GRID2: variants seen among roughly 807,000 people sequenced by gnomAD.
GRID2 encodes the protein glutamate receptor ionotropic, delta-2.
In GRID2, 33 loss-of-function variants were observed where a neutral mutation model predicts 114.8. That is an observed-to-expected ratio of 0.29 (90% CI 0.22 to 0.38). The LOEUF (loss-of-function observed/expected upper bound fraction) is 0.38, where lower values mean the gene tolerates loss of function less well. GRID2 is among the 10% of genes least tolerant of loss of function. The probability of loss-of-function intolerance (pLI) is 1.00; values close to 1 mark genes in which losing one functional copy is unlikely to be tolerated. For synonymous variants in GRID2, 505 were observed against 449.9 expected (o/e 1.12, Z -1.55); for missense variants, 1,184 against 1,257.7 (o/e 0.94, Z 0.89).
At chr4:93,565,525 G>GA (rs1372751268) in intron 13 of GRID2, among the ~76,000 whole-genome samples, 5 of 151,908 alleles carry the variant, frequency 3.3e-5, no homozygotes, top group African/African-American at 1.2e-4. Context: ...TCTGTTGCAC[G>GA]AAAAAACCTA....
At chr4:93,594,904 G>C (rs955272242) in intron 13 of GRID2, among the ~76,000 whole-genome samples, 4 of 152,212 alleles carry the variant, frequency 2.6e-5, no homozygotes, top group African/African-American at 9.6e-5. Flanking sequence ...GCCTCGCCCT[G>C]CTTCGGCTCA....
intron 2 of GRID2, among the ~76,000 whole-genome samples, chr4:92,792,826 T>G (rs1234334778): frequency 6.6e-6 from 1 of 151,670 alleles, no homozygotes; most frequent in East Asian, 2.0e-4. Flanking sequence ...AATGCCAGTC[T>G]ACGATCTGTA....
chr4:92,576,997 T>A (rs944264285), intron 1 of GRID2, among the ~76,000 whole-genome samples: 2 of 152,224 alleles, frequency 1.3e-5, no homozygotes, highest in South Asian at 2.1e-4. Context: ...AGTTCAGACA[T>A]CTTTCTCTTA....
rs148025680 is a variant in GRID2, at chr4:92,610,757, C to T, written c.244+20471C>T. On this transcript the variant is annotated intron_variant, in intron 2 of 15. Coordinates refer to ENST00000282020, the MANE Select transcript of GRID2 (RefSeq NM_001510.4). ...TTCCATACTACCTTCAAGCCAACCA[C>T]GAATTGTTTCTATAGATTAGCCTCT... Among the ~76,000 whole-genome samples the T allele has an allele frequency of 5.6e-3, 843 of 151,704 alleles. 8 individuals are homozygous for T. The highest frequency in any genetic ancestry group is 0.019 in the African/African-American group (791 of 41,472).
chr4:93,105,737 T>C (rs1162227551), intron 3 of GRID2, among the ~76,000 whole-genome samples: 1 of 152,170 alleles, frequency 6.6e-6, no homozygotes, highest in Non-Finnish European at 1.5e-5. Context: ...AGATGCTGAG[T>C]CTCAACACAT....
intron 1 of GRID2, among the ~76,000 whole-genome samples, chr4:92,578,834 T>C (rs922550802): frequency 8.5e-5 from 13 of 152,174 alleles, no homozygotes; most frequent in Non-Finnish European, 1.6e-4. Flanking sequence ...CTCTTAATAA[T>C]GTAGTACCAG....
chr4:93,091,872 G>A (rs1730822646), intron 3 of GRID2, among the ~76,000 whole-genome samples: 1 of 152,086 alleles, frequency 6.6e-6, no homozygotes, highest in South Asian at 2.1e-4. Flanking sequence ...AGGCAAGGCT[G>A]CCACACAGGC....
At chr4:92,830,988 G>T (rs1742063314) in intron 2 of GRID2, among the ~76,000 whole-genome samples, 1 of 152,130 alleles carries the variant, frequency 6.6e-6, no homozygotes, top group Non-Finnish European at 1.5e-5. Context: ...ATCTTCTAGT[G>T]CCACTGAAAG....
At chr4:92,916,466 C>T (rs1442386702) in intron 2 of GRID2, among the ~76,000 whole-genome samples, 4 of 152,036 alleles carry the variant, frequency 2.6e-5, no homozygotes, top group Admixed American at 1.3e-4. Flanking sequence ...CCCATTAACT[C>T]GTCATTTAAC....
chr4:93,673,625 A>T (rs949472143), intron 14 of GRID2, among the ~76,000 whole-genome samples: 1 of 152,202 alleles, frequency 6.6e-6, no homozygotes, highest in Non-Finnish European at 1.5e-5. Context: ...ATTCTAATGA[A>T]TGTAGACAGA....
At chr4:93,306,588 C>G (rs769146528) in intron 8 of GRID2, among the ~76,000 whole-genome samples, 3 of 152,090 alleles carry the variant, frequency 2.0e-5, no homozygotes, top group Non-Finnish European at 4.4e-5. Context: ...ATAGGAATAC[C>G]TTCAGCAGAC....
At chr4:93,386,983 T>C (rs1432076831) in intron 8 of GRID2, among the ~76,000 whole-genome samples, 1 of 152,158 alleles carries the variant, frequency 6.6e-6, no homozygotes, top group East Asian at 1.9e-4. Flanking sequence ...CGTCAGACAC[T>C]GCAGCACATT....
intron 13 of GRID2, among the ~76,000 whole-genome samples, chr4:93,599,185 G>T (rs1017713901): frequency 1.3e-5 from 2 of 152,192 alleles, no homozygotes; most frequent in African/African-American, 4.8e-5. Flanking sequence ...GTTGTTGGAT[G>T]GACTTGAATG....
intron 2 of GRID2, among the ~76,000 whole-genome samples, chr4:92,777,000 A>C (rs1341409880): frequency 6.6e-6 from 1 of 152,024 alleles, no homozygotes; most frequent in Non-Finnish European, 1.5e-5. Context: ...CAATGCATGA[A>C]AGTTTGGCTC....
At chr4:92,460,032 C>CTATATATATATATACATATATATATATA (rs1553937272) in intron 1 of GRID2, among the ~76,000 whole-genome samples, 6 of 48,424 alleles carry the variant, frequency 1.2e-4, no homozygotes, top group African/African-American at 6.1e-4. Flanking sequence ...ATAAATCTCA[C>CTATATATATATATACATATATATATATA]TATATATATA....
At chr4:92,729,877 G>T (rs1350600484) in intron 2 of GRID2, among the ~76,000 whole-genome samples, 2 of 151,834 alleles carry the variant, frequency 1.3e-5, no homozygotes, top group African/African-American at 2.4e-5. Flanking sequence ...GGTTTCCCAT[G>T]TACTAAAACC....
At chr4:93,685,065 GT>G (rs934623227) in intron 14 of GRID2, among the ~76,000 whole-genome samples, 26 of 152,048 alleles carry the variant, frequency 1.7e-4, no homozygotes, top group African/African-American at 6.3e-4. Flanking sequence ...ACAAATAACA[GT>G]TTATGGCTTG....
intron 1 of GRID2, among the ~76,000 whole-genome samples, chr4:93,802,214 A>G (rs149659307): frequency 6.6e-6 from 1 of 152,382 alleles, no homozygotes; most frequent in Admixed American, 6.5e-5. Context: ...AGAGGGAGAA[A>G]GAGATGAGAA....
downstream of GRID2, among the ~76,000 whole-genome samples, chr4:93,777,281 A>T (rs181837873): frequency 5.3e-5 from 8 of 152,286 alleles, no homozygotes; most frequent in African/African-American, 1.9e-4. Flanking sequence ...CTTCACCTGA[A>T]TTTTTCAAAT....
Sources: gnomAD v4.1 joint callset for allele counts (sites outside exome capture counted in the v4.1 genomes callset) on GRCh38, gnomAD v4.1.1 for gene constraint, MANE v1.5 for transcripts, NCBI Gene and HGNC (gene_info 2026-07-23, HGNC 2026-07-21) for gene names.